Variants in WDR64 observed in about 807,000 individuals in gnomAD.
WDR64 encodes WD repeat-containing protein 64.
In WDR64, 112 loss-of-function variants were observed where a neutral mutation model predicts 139.3. That is an observed-to-expected ratio of 0.80 (90% CI 0.69 to 0.94). The LOEUF (loss-of-function observed/expected upper bound fraction) is 0.94, where lower values mean the gene tolerates loss of function less well. Ranked by LOEUF, WDR64 falls within the 40% of genes least tolerant of loss-of-function variation. The pLI, the probability that WDR64 is intolerant of heterozygous loss-of-function variation, is 0.00. For synonymous variants in WDR64, 444 were observed against 437.7 expected, an observed-to-expected ratio of 1.01 and a Z score of -0.18; for missense variants, 1,206 against 1,293.1, an observed-to-expected ratio of 0.93 and a Z score of 1.03.
chr1:241,743,198 T>A (rs1669617977), intron 12 of WDR64, among the ~76,000 whole-genome samples: 1 of 152,140 alleles, frequency 6.6e-6, no homozygotes, highest in African/African-American at 2.4e-5. Flanking sequence ...GAAAATGTCA[T>A]CCCTGTGTGG....
intron 9 of WDR64, among the ~76,000 whole-genome samples, chr1:241,712,235 T>C (rs1461477791): frequency 2.0e-5 from 3 of 152,206 alleles, no homozygotes; most frequent in African/African-American, 4.8e-5. Context: ...TGTGTGCGTG[T>C]GCCTTTTTCT....
At chr1:241,718,557 TTC>T in intron 9 of WDR64, among the ~76,000 whole-genome samples, 1 of 152,316 alleles carries the variant, frequency 6.6e-6, no homozygotes, top group South Asian at 2.1e-4. Context: ...CAAGAGATTT[TTC>T]TCTCTTGCTG....
chr1:241,779,402 T>G (rs1160352157), intron 21 of WDR64, among the ~76,000 whole-genome samples: 2 of 152,242 alleles, frequency 1.3e-5, no homozygotes, highest in Non-Finnish European at 2.9e-5. Flanking sequence ...GCTGAGTATC[T>G]CTGTAAGAGT....
rs1252442177 is a variant in WDR64, at chr1:241,656,013, A to C, written c.145+3384A>C. On this transcript the variant is annotated intron_variant, in intron 1 of 27. Coordinates refer to ENST00000437684, the MANE Select transcript of WDR64 (RefSeq NM_001367482.1). The surrounding 1 kb of genome is among the most constrained non-coding windows in gnomAD (Gnocchi z 4.3). Reference sequence around the variant, plus strand: ...TACTCCTTCAATGTGTTCTAAATGCACAAGTTGACCTTGCTCTCATTAAGA... The same window carrying C: ...TACTCCTTCAATGTGTTCTAAATGCCCAAGTTGACCTTGCTCTCATTAAGA... Among the ~76,000 whole-genome samples the C allele has an allele frequency of 1.3e-5, 2 of 152,176 alleles. No individual in the cohort carries two copies. Among genetic ancestry groups the C allele is most frequent in the Non-Finnish European group, 2.9e-5 (2 of 68,022 alleles).
rs73141064 is a variant in WDR64, at chr1:241,738,516, G to C, written c.1321+27G>C. 3.2e-6 allele frequency: 5 copies of C among 1,586,394 alleles called. No individual in the cohort carries two copies. The South Asian group carries it at 5.8e-5, about 18-fold the overall frequency. On this transcript the variant is annotated intron_variant, in intron 11 of 27. Coordinates refer to ENST00000437684, the MANE Select transcript of WDR64 (RefSeq NM_001367482.1). ...TAAGTGTACCCAATTAATGTCAAAC[G>C]AAACTCATGTCTTGATTTTTAACCT...
chr1:241,711,726 C>T lies in WDR64; in HGVS notation c.975-76C>T, dbSNP rs986697219. 1.9e-5 allele frequency: 28 copies of T among 1,459,044 alleles called. No homozygotes were observed. In the African/African-American group the frequency reaches 3.9e-4, roughly 21 times the overall value. 90.4% of individuals were successfully genotyped at this position (1,459,044 alleles called of 1,614,324 possible). On this transcript the variant is annotated intron_variant, in intron 8 of 27. Coordinates refer to ENST00000437684, the MANE Select transcript of WDR64 (RefSeq NM_001367482.1). The stretch of plus-strand genomic sequence containing the variant: ...CCAACTTAGAAATGAGCCTATCAAA[C>T]ATAATCTATTTATAAGTCAGAATTA...
At chr1:241,728,402 T>C (rs1668936215) in intron 10 of WDR64, among the ~76,000 whole-genome samples, 1 of 117,138 alleles carries the variant, frequency 8.5e-6, no homozygotes, top group Admixed American at 7.9e-5. Flanking sequence ...ATTGAAGCTA[T>C]ATTATTATTT....
At chr1:241,722,492 T>C (rs977539023) in intron 9 of WDR64, among the ~76,000 whole-genome samples, 8 of 152,158 alleles carry the variant, frequency 5.3e-5, no homozygotes, top group Non-Finnish European at 1.5e-5. Flanking sequence ...CGTTGCAGTA[T>C]TGCTGAATAA....
intron 10 of WDR64, among the ~76,000 whole-genome samples, chr1:241,730,306 C>T (rs1487314779): frequency 2.0e-5 from 3 of 152,128 alleles, no homozygotes; most frequent in Non-Finnish European, 4.4e-5. Flanking sequence ...GGAAGCAGTC[C>T]CTATATAAGG....
chr1:241,752,715 G>A (rs1426112295), intron 14 of WDR64, among the ~76,000 whole-genome samples: 2 of 152,156 alleles, frequency 1.3e-5, no homozygotes, highest in African/African-American at 4.8e-5. Context: ...GCCAGGCATG[G>A]TGTCACACAC....
At chr1:241,652,835 G>GT (rs199607001) in intron 1 of WDR64, among the ~76,000 whole-genome samples, 2,014 of 152,086 alleles carry the variant, frequency 0.013, 57 homozygotes, top group African/African-American at 0.046. Flanking sequence ...TTTTGTTTTT[G>GT]TTTTTTTTTT....
At chr1:241,708,705 T>G (rs1304032700) in intron 8 of WDR64, among the ~76,000 whole-genome samples, 1 of 31,494 alleles carries the variant, frequency 3.2e-5, no homozygotes, top group Non-Finnish European at 8.7e-5. Flanking sequence ...TTTTTTTTTG[T>G]TTTTTTGTTT....
intron 14 of WDR64, among the ~76,000 whole-genome samples, chr1:241,750,306 G>A (rs923392293): frequency 1.3e-5 from 2 of 152,048 alleles, no homozygotes; most frequent in Non-Finnish European, 2.9e-5. Context: ...GCTATTGAGC[G>A]GATCTCACCC....
intron 14 of WDR64, among the ~76,000 whole-genome samples, chr1:241,751,107 A>C (rs1669964893): frequency 6.6e-6 from 1 of 152,112 alleles, no homozygotes; most frequent in Non-Finnish European, 1.5e-5. Flanking sequence ...CCAGTTACCA[A>C]ATATTTGCCA....
At chr1:241,751,728 A>G (rs1348527634) in intron 14 of WDR64, among the ~76,000 whole-genome samples, 1 of 152,168 alleles carries the variant, frequency 6.6e-6, no homozygotes, top group East Asian at 1.9e-4. Context: ...CTGGGCACAA[A>G]TCATCACTGT....
At chr1:241,674,256 C>T (rs72768059) in intron 3 of WDR64, among the ~76,000 whole-genome samples, 97 of 121,264 alleles carry the variant, frequency 8.0e-4, no homozygotes, top group East Asian at 5.2e-3. Flanking sequence ...CTTTTTTTTT[C>T]TTTTCTTTTT....
intron 24 of WDR64, among the ~76,000 whole-genome samples, chr1:241,788,307 T>C (rs1405732817): frequency 6.6e-6 from 1 of 152,198 alleles, no homozygotes; most frequent in African/African-American, 2.4e-5. Context: ...AATTTGACCA[T>C]GCTTAAAGGC....
In WDR64 at chr1:241,802,295, A is replaced by C. The variant is rs1659549012; in HGVS notation, c.*1080A>C. On this transcript the variant is annotated 3_prime_UTR_variant, in exon 28 of 28. Coordinates refer to ENST00000437684, the MANE Select transcript of WDR64 (RefSeq NM_001367482.1). ...TAAGTCAAAAAAACTTTACAGAAAGAATACATGTTGTATGATTCCACGTTT... is the reference window on the plus strand; with the variant it reads ...TAAGTCAAAAAAACTTTACAGAAAGCATACATGTTGTATGATTCCACGTTT... Among the ~76,000 whole-genome samples the C allele has an allele frequency of 6.6e-6, 1 of 152,328 alleles. No individual in the cohort carries two copies. The highest frequency in any genetic ancestry group is 2.1e-4 in the South Asian group (1 of 4,826).
chr1:241,791,179 A>G (rs1050347709), intron 25 of WDR64, among the ~76,000 whole-genome samples: 2 of 152,060 alleles, frequency 1.3e-5, no homozygotes, highest in African/African-American at 4.8e-5. Context: ...CCAGCTACTC[A>G]GGAGGCTGAG....
Sources: allele counts gnomAD v4.1 joint callset (sites outside exome capture counted in the v4.1 genomes callset), GRCh38; gene constraint gnomAD v4.1.1; non-coding constraint Gnocchi (gnomAD v3.1); transcripts MANE v1.5; gene names NCBI Gene and HGNC (gene_info 2026-07-23, HGNC 2026-07-21).